Variants in SIPA1L3 observed in about 807,000 individuals in gnomAD.
SIPA1L3 encodes signal induced proliferation associated 1 like 3.
In SIPA1L3, 59 loss-of-function variants were observed where a neutral mutation model predicts 150.1. That is an observed-to-expected ratio of 0.39 (90% CI 0.32 to 0.49). SIPA1L3 has a LOEUF of 0.49. Ranked by LOEUF, SIPA1L3 falls within the 20% of genes least tolerant of loss-of-function variation. SIPA1L3 has a pLI of 0.86. For synonymous variants in SIPA1L3, 1,070 were observed against 1,077.6 expected, an observed-to-expected ratio of 0.99 and a Z score of 0.14; for missense variants, 2,211 against 2,489.5, an observed-to-expected ratio of 0.89 and a Z score of 2.38.
At chr19:37,959,476 A>G (rs1347162543) in intron 1 of SIPA1L3, among the ~76,000 whole-genome samples, 1 of 152,244 alleles carries the variant, frequency 6.6e-6, no homozygotes, top group Non-Finnish European at 1.5e-5. Context: ...AAGCAAATCT[A>G]CAGAGACAGA....
intron 10 of SIPA1L3, among the ~76,000 whole-genome samples, chr19:38,133,166 T>A (rs1036954129): frequency 1.3e-5 from 2 of 152,194 alleles, no homozygotes; most frequent in African/African-American, 4.8e-5. Context: ...GAGAAGGCAC[T>A]GCGTGCCTGG....
intron 16 of SIPA1L3, among the ~76,000 whole-genome samples, chr19:38,187,185 C>G (rs1429524126): frequency 6.6e-6 from 1 of 151,762 alleles, no homozygotes; most frequent in Admixed American, 6.6e-5. Context: ...GGCGTGGTAG[C>G]TCACGCCTAT....
At chr19:37,974,552 G>A (rs193063499) in intron 1 of SIPA1L3, among the ~76,000 whole-genome samples, 155 of 152,218 alleles carry the variant, frequency 1.0e-3, no homozygotes, top group African/African-American at 3.4e-3. Context: ...GGCAGAGGTG[G>A]GGTTTGAACA....
At chr19:37,981,517 C>T (rs1489889082) in intron 1 of SIPA1L3, among the ~76,000 whole-genome samples, 1 of 152,050 alleles carries the variant, frequency 6.6e-6, no homozygotes, top group Non-Finnish European at 1.5e-5. Flanking sequence ...TACTTAACCT[C>T]TCTGTACTTG....
At chr19:38,091,140 C>T (rs918412662) in intron 4 of SIPA1L3, among the ~76,000 whole-genome samples, 2 of 152,168 alleles carry the variant, frequency 1.3e-5, no homozygotes, top group African/African-American at 4.8e-5. Flanking sequence ...AATCCCAGCA[C>T]TTTGGGAGGC....
intron 2 of SIPA1L3, among the ~76,000 whole-genome samples, chr19:38,032,495 C>A (rs1403393083): frequency 6.6e-6 from 1 of 152,172 alleles, no homozygotes; most frequent in Non-Finnish European, 1.5e-5. Flanking sequence ...AAACTCCTTA[C>A]CTTAAGGGAA....
intron 1 of SIPA1L3, among the ~76,000 whole-genome samples, chr19:38,013,321 T>C (rs1460737669): frequency 1.3e-5 from 2 of 152,098 alleles, no homozygotes; most frequent in African/African-American, 2.4e-5. Context: ...GAGAAAAATA[T>C]AGAGGATTAA....
At chr19:38,115,853 C>A (rs1970869716) in intron 8 of SIPA1L3, among the ~76,000 whole-genome samples, 1 of 152,158 alleles carries the variant, frequency 6.6e-6, no homozygotes, top group Non-Finnish European at 1.5e-5. Context: ...TTTGGTATGT[C>A]CCTTCTCCTG....
chr19:37,912,644 C>T (rs1004267081), intron 1 of SIPA1L3, among the ~76,000 whole-genome samples: 3 of 152,094 alleles, frequency 2.0e-5, no homozygotes, highest in African/African-American at 7.2e-5. Flanking sequence ...TACAGGTGTG[C>T]ACCACCACAC....
At chr19:38,025,530 C>G (rs1968489740) in intron 1 of SIPA1L3, among the ~76,000 whole-genome samples, 1 of 152,170 alleles carries the variant, frequency 6.6e-6, no homozygotes, top group Non-Finnish European at 1.5e-5. Context: ...TCCCTCTAGT[C>G]GGCAGGAAGT....
chr19:37,983,993 T>C (rs2145620562), intron 1 of SIPA1L3, among the ~76,000 whole-genome samples: 1 of 151,852 alleles, frequency 6.6e-6, no homozygotes, highest in African/African-American at 2.4e-5. Context: ...CATACAGGCA[T>C]GATTCGAGTG....
chr19:38,074,956 A>T (rs768848043), intron 2 of SIPA1L3, among the ~76,000 whole-genome samples: 6 of 152,046 alleles, frequency 3.9e-5, no homozygotes, highest in Non-Finnish European at 5.9e-5. Flanking sequence ...CTGGTGTCAA[A>T]CTCCTGGGCT....
At chr19:37,955,386 T>A (rs1393111811) in intron 1 of SIPA1L3, among the ~76,000 whole-genome samples, 2 of 136,056 alleles carry the variant, frequency 1.5e-5, no homozygotes, top group Non-Finnish European at 3.0e-5. Flanking sequence ...AGCAAAACTC[T>A]GTCTCAAAAA....
intron 3 of SIPA1L3, among the ~76,000 whole-genome samples, chr19:38,084,061 G>A (rs1568541575): frequency 6.6e-6 from 1 of 151,806 alleles, no homozygotes; most frequent in African/African-American, 2.4e-5. Flanking sequence ...CAACATAGAA[G>A]GGACTCTCCT....
Position 38,119,898 on chromosome 19 carries a change from CGG to C in SIPA1L3, c.2868+17_2868+18del. On this transcript the variant is annotated intron_variant, in intron 9 of 21. Coordinates refer to ENST00000222345, the MANE Select transcript of SIPA1L3 (RefSeq NM_015073.3). ...GAGACTGAAGGTAAGGGAGAGAGCC[CGG>C]CGATAGGGCGGCGATTTGTATGGTT... 1 of 1,571,806 alleles carries C rather than the reference CGG, an allele frequency of 6.4e-7. No homozygotes were observed.
At chr19:37,912,358 G>A (rs2046383776) in intron 1 of SIPA1L3, among the ~76,000 whole-genome samples, 1 of 152,172 alleles carries the variant, frequency 6.6e-6, no homozygotes, top group Non-Finnish European at 1.5e-5. Flanking sequence ...TATTAGTTGT[G>A]ATACCTTGGG....
chr19:37,921,893 ATGCC>A (rs377156284), intron 1 of SIPA1L3, among the ~76,000 whole-genome samples: 64 of 151,998 alleles, frequency 4.2e-4, no homozygotes, highest in African/African-American at 1.5e-3. Context: ...GTGAGCCACC[ATGCC>A]TGGCCTGTTT....
At chr19:38,126,036 TG>T (rs1477136090) in intron 9 of SIPA1L3, among the ~76,000 whole-genome samples, 1 of 151,582 alleles carries the variant, frequency 6.6e-6, no homozygotes, top group Non-Finnish European at 1.5e-5. Flanking sequence ...TAGCCGGGCG[TG>T]GTGGCGGGCT....
chr19:38,040,773 T>A (rs1400818683), intron 2 of SIPA1L3, among the ~76,000 whole-genome samples: 1 of 152,230 alleles, frequency 6.6e-6, no homozygotes, highest in Non-Finnish European at 1.5e-5. Flanking sequence ...CTATCTTGCT[T>A]TTTTTGAGTC....
Sources: allele counts gnomAD v4.1 joint callset (sites outside exome capture counted in the v4.1 genomes callset), GRCh38; gene constraint gnomAD v4.1.1; transcripts MANE v1.5; gene names NCBI Gene and HGNC (gene_info 2026-07-23, HGNC 2026-07-21).